F8: variants seen among roughly 807,000 people sequenced by gnomAD.
The protein encoded by F8 is antihemophilic factor.
A neutral mutation model predicts 140.6 loss-of-function variants in F8; 12 were observed. That is an observed-to-expected ratio of 0.09 (90% confidence interval 0.05 to 0.14). The LOEUF is 0.14. F8 is among the 10% of genes least tolerant of loss of function. The probability of loss-of-function intolerance (pLI) is 1.00; values close to 1 mark genes in which losing one functional copy is unlikely to be tolerated. For missense variants in F8, 1,354 were observed against 1,720.7 expected, an observed-to-expected ratio of 0.79 and a Z score of 3.77; for synonymous variants, 585 against 614.6, an observed-to-expected ratio of 0.95 and a Z score of 0.71.
At chrX:154,969,212 C>T in intron 7 of F8, 119 bp downstream of exon 7, 3 of 685,524 alleles carry the variant, frequency 4.4e-6, no homozygotes, top group Non-Finnish European at 4.4e-6. Context: ...AGGTCTAATA[C>T]AGTAACTCTA....
intron 25 of F8, among the ~76,000 whole-genome samples, chrX:154,841,208 C>CTT (rs1168917544): frequency 0.019 from 925 of 48,474 alleles, 10 homozygotes; most frequent in African/African-American, 0.041. Context: ...TTGCTTTCTT[C>CTT]TTTTTTTTTT....
At chrX:154,924,983 G>A (rs928560388) in intron 14 of F8, among the ~76,000 whole-genome samples, 2 of 112,122 alleles carry the variant, frequency 1.8e-5, no homozygotes, top group Non-Finnish European at 3.8e-5. Flanking sequence ...CCTCTGGGCC[G>A]GTGATGGGAG....
chrX:154,863,062 A>T, intron 23 of F8, 21 bp downstream of exon 23: 1 of 1,207,132 alleles, frequency 8.3e-7, no homozygotes. Context: ...GAAGAAGGAT[A>T]TGGGATGACT....
At position 154,930,298 on chromosome X, in the gene F8, A is replaced by G; in HGVS notation, c.3492T>C (p.Ser1164=). The G allele has an allele frequency of 8.3e-7, 1 of 1,211,672 alleles. No individual in the cohort carries two copies. Among genetic ancestry groups the G allele is most frequent in the Non-Finnish European group, 1.1e-6 (1 of 895,449 alleles). The change falls in exon 14 of 26, where the codon TCT becomes TCC. Residue 1164 remains serine (S), a synonymous_variant. Transcript: ENST00000360256. ...TTCCTACTACCACTTTGTTTTTCTC[A>G]GACAAGAAATTCTGACCTTCCACAG... The part of the protein sequence containing the change: ...EKSVEGQNFL[S]EKNKVVVGKG...
chrX:154,845,899 T>G (rs1357828423), intron 25 of F8, among the ~76,000 whole-genome samples: 3 of 112,235 alleles, frequency 2.7e-5, no homozygotes, highest in Admixed American at 9.5e-5. Context: ...TGTCAATTTT[T>G]GATCTTTCCT....
intron 22 of F8, among the ~76,000 whole-genome samples, chrX:154,868,264 G>A (rs1557273291): frequency 1.8e-5 from 2 of 111,678 alleles, no homozygotes; most frequent in African/African-American, 6.5e-5. Flanking sequence ...CTGATAGTGA[G>A]TTCTTATGAG....
chrX:155,012,081 G>A (rs1007425159), intron 1 of F8, among the ~76,000 whole-genome samples: 16 of 111,949 alleles, frequency 1.4e-4, no homozygotes, highest in African/African-American at 4.9e-4. Context: ...GATGATAGTT[G>A]TACACTTTAC....
intron 13 of F8, among the ~76,000 whole-genome samples, chrX:154,945,573 T>C (rs5945257): frequency 0.013 from 1,494 of 111,856 alleles, 27 homozygotes; most frequent in African/African-American, 0.046. Context: ...CTAAACAAAC[T>C]GGGTATAGAA....
chrX:154,892,127 T>A lies in F8; in HGVS notation c.6429+3950A>T, dbSNP rs188869766. Among the ~76,000 whole-genome samples, 3 of 111,542 alleles carry A rather than the reference T, an allele frequency of 2.7e-5. No homozygotes were observed. In the East Asian group the frequency reaches 8.4e-4, roughly 31 times the overall value. On this transcript the variant is annotated intron_variant, in intron 22 of 25. Coordinates refer to ENST00000360256, the MANE Select transcript of F8 (RefSeq NM_000132.4). ...CACCGGTACTCTTACCACAGCATAATAGATCTGGTGGAGTTAAGCATTTAA... is the reference window on the plus strand; with the variant it reads ...CACCGGTACTCTTACCACAGCATAAAAGATCTGGTGGAGTTAAGCATTTAA...
At chrX:154,939,575 C>A (rs2073245749) in intron 13 of F8, among the ~76,000 whole-genome samples, 1 of 112,954 alleles carries the variant, frequency 8.9e-6, no homozygotes, top group Admixed American at 9.3e-5. Context: ...CCTCTGTAGG[C>A]TCCACCTCTG....
At chrX:154,957,231 A>G in intron 10 of F8, 60 bp from the exon 11 acceptor site, 1 of 922,999 alleles carries the variant, frequency 1.1e-6, no homozygotes, top group Non-Finnish European at 1.6e-6. Context: ...CATATTGATA[A>G]TCATGTTGTT....
At chrX:154,848,235 G>A (rs998944506) in intron 25 of F8, among the ~76,000 whole-genome samples, 1 of 112,864 alleles carries the variant, frequency 8.9e-6, no homozygotes, top group Non-Finnish European at 1.9e-5. Context: ...CGGGGGTCAG[G>A]GACCCACTTG....
At chrX:154,966,778 T>C (rs1357312570) in intron 7 of F8, 91 bp from the exon 8 acceptor site, 1 of 1,051,547 alleles carries the variant, frequency 9.5e-7, no homozygotes, top group Non-Finnish European at 1.3e-6. Context: ...AGAAAAGAGA[T>C]TGAATTGGCT....
chrX:154,844,701 T>A (rs1557271566), intron 25 of F8, among the ~76,000 whole-genome samples: 1 of 111,682 alleles, frequency 9.0e-6, no homozygotes, highest in Non-Finnish European at 1.9e-5. Context: ...GCTGAGACAA[T>A]GGTGTTTTCT....
At position 154,860,283 on chromosome X, in the gene F8, TG is replaced by T. The variant is rs2072679762; in HGVS notation, c.6900+148del. ...TTAAAGTCACTGTGTTCTCTCAGAA[TG>T]CCTTTTACAATGTCTTGCTACCATA... is the stretch of plus-strand genomic sequence containing the variant. On this transcript the variant is annotated intron_variant, in intron 25 of 25. Transcript: ENST00000360256. 9.2e-6 allele frequency: 5 copies of T among 544,331 alleles called. No individual in the cohort carries two copies. The Admixed American group carries it at 1.5e-4, about 17-fold the overall frequency. The allele number at this position is 544,331 out of a possible 1,213,427, so 44.9% of individuals were successfully genotyped here.
chrX:155,001,791 G>C (rs1401021010), intron 1 of F8, among the ~76,000 whole-genome samples: 3 of 110,293 alleles, frequency 2.7e-5, no homozygotes, highest in Non-Finnish European at 5.7e-5. Context: ...GTGCACCTGT[G>C]GTCTTAGCTG....
intron 12 of F8, among the ~76,000 whole-genome samples, chrX:154,952,868 T>C (rs782146225): frequency 1.1e-4 from 12 of 111,878 alleles, no homozygotes; most frequent in Non-Finnish European, 1.9e-4. Context: ...TTGCATCCAG[T>C]GGGACACACA....
In F8 at chrX:154,930,196, C is replaced by A. The variant is rs782323030; in HGVS notation, c.3594G>T (p.Leu1198Phe). 1 of 1,207,326 alleles carries A rather than the reference C, an allele frequency of 8.3e-7. No individual in the cohort carries two copies. Among genetic ancestry groups the A allele is most frequent in the Admixed American group, 2.2e-5 (1 of 45,423 alleles). ...PSSRNLFLTN[L>F]DNLHENNTHN... ...GTGTATTATTTTCATGTAAATTATC[C>A]AAGTTAGTAAGAAATAGGTTTCTGC... Residue 1198 changes from leucine to phenylalanine, a missense_variant, in exon 14 of 26, where the codon TTG becomes TTT. Leu to Phe is a conservative substitution (Grantham distance 22, BLOSUM62 0). Around this residue, in one of 4 missense-constraint regions of F8, gnomAD observed 658 missense variants for 666.5 expected, o/e 0.99. Coordinates refer to ENST00000360256, the MANE Select transcript of F8 (RefSeq NM_000132.4).
intron 6 of F8, among the ~76,000 whole-genome samples, chrX:154,982,233 G>T (rs1557283732): frequency 9.5e-6 from 1 of 104,785 alleles, no homozygotes; most frequent in African/African-American, 3.5e-5. Flanking sequence ...GGATCACGAG[G>T]TCAGGAGATC....
Sources: allele counts gnomAD v4.1 joint callset (sites outside exome capture counted in the v4.1 genomes callset), GRCh38; gene constraint gnomAD v4.1.1; regional missense constraint gnomAD v4.1.1; transcripts MANE v1.5; gene names NCBI Gene and HGNC (gene_info 2026-07-23, HGNC 2026-07-21).